SLC44A5: variants seen among roughly 807,000 people sequenced by gnomAD.
The protein encoded by SLC44A5 is solute carrier family 44 member 5.
SLC44A5 carries 57 observed loss-of-function variants against 101.8 expected under a neutral mutation model. That is an observed-to-expected ratio of 0.56 (90% CI 0.45 to 0.70). SLC44A5 has a LOEUF of 0.70. Among genes scored for constraint, SLC44A5 ranks in the 30% least tolerant of loss-of-function variants. SLC44A5 has a pLI of 0.00. For missense variants in SLC44A5, 737 were observed against 853.1 expected (o/e 0.86, Z 1.70); for synonymous variants, 281 against 290.9 (o/e 0.97, Z 0.35).
At chr1:75,539,782 G>A (rs1438504852) in intron 2 of SLC44A5, among the ~76,000 whole-genome samples, 1 of 152,108 alleles carries the variant, frequency 6.6e-6, no homozygotes, top group Non-Finnish European at 1.5e-5. Context: ...TTAATTAGTG[G>A]AAATGTTTAA....
intron 2 of SLC44A5, among the ~76,000 whole-genome samples, chr1:75,488,437 C>T (rs868167453): frequency 2.0e-4 from 31 of 152,250 alleles, no homozygotes; most frequent in Admixed American, 6.5e-4. Flanking sequence ...GTAAAAACAA[C>T]GTAGTATAAT....
intron 3 of SLC44A5, among the ~76,000 whole-genome samples, chr1:75,348,150 C>A (rs917496205): frequency 6.6e-5 from 10 of 151,400 alleles, no homozygotes; most frequent in Admixed American, 5.3e-4. Flanking sequence ...TCTCTCTCTC[C>A]TCTCTCTCTC....
intron 4 of SLC44A5, among the ~76,000 whole-genome samples, chr1:75,305,877 G>A (rs1654860486): frequency 1.3e-5 from 2 of 152,090 alleles, no homozygotes; most frequent in Admixed American, 6.5e-5. Flanking sequence ...TCTAATCCCC[G>A]TAGACCTAGG....
chr1:75,601,363 T>C (rs1003962767), intron 1 of SLC44A5, among the ~76,000 whole-genome samples: 1 of 15,286 alleles, frequency 6.5e-5, no homozygotes, highest in East Asian at 1.7e-3. Context: ...CATCAAACAC[T>C]GGGGCTTGTC....
intron 3 of SLC44A5, among the ~76,000 whole-genome samples, chr1:75,393,197 T>G (rs1201221419): frequency 6.6e-6 from 1 of 152,166 alleles, no homozygotes; most frequent in Non-Finnish European, 1.5e-5. Flanking sequence ...TAGAAAAATA[T>G]CTAAACACTG....
chr1:75,343,025 G>A (rs1338910525), intron 3 of SLC44A5, among the ~76,000 whole-genome samples: 2 of 151,998 alleles, frequency 1.3e-5, no homozygotes, highest in Admixed American at 6.6e-5. Flanking sequence ...TTTTATAGGG[G>A]CCCTCACGTA....
chr1:75,450,655 C>T (rs1313601513), intron 2 of SLC44A5, among the ~76,000 whole-genome samples: 1 of 152,150 alleles, frequency 6.6e-6, no homozygotes, highest in Admixed American at 6.5e-5. Flanking sequence ...AGACATGAAA[C>T]GGGTCTATGT....
chr1:75,278,676 G>C (rs1412444322), intron 5 of SLC44A5, among the ~76,000 whole-genome samples: 1 of 152,140 alleles, frequency 6.6e-6, no homozygotes, highest in Non-Finnish European at 1.5e-5. Flanking sequence ...GATGTGAGTA[G>C]TCAAGTGCTT....
intron 2 of SLC44A5, among the ~76,000 whole-genome samples, chr1:75,418,947 G>A (rs1012297976): frequency 7.9e-5 from 12 of 152,118 alleles, no homozygotes; most frequent in African/African-American, 2.9e-4. Context: ...CTAAGGGAAG[G>A]GGAGCAAGCT....
chr1:75,723,391 A>G, the SLC44A5 span, among the ~76,000 whole-genome samples: 2 of 145,006 alleles, frequency 1.4e-5, no homozygotes, highest in South Asian at 5.1e-4. Flanking sequence ...CAGCCTGTGA[A>G]GTCGAGCTGC....
chr1:75,321,053 G>C (rs145818901), intron 4 of SLC44A5, among the ~76,000 whole-genome samples: 1 of 152,122 alleles, frequency 6.6e-6, no homozygotes, highest in African/African-American at 2.4e-5. Flanking sequence ...TTACACTTTA[G>C]TATCATAATA....
At chr1:75,207,500 T>C (rs1413425263) in intron 23 of SLC44A5, among the ~76,000 whole-genome samples, 1 of 152,146 alleles carries the variant, frequency 6.6e-6, no homozygotes. Context: ...TACATTTGCA[T>C]GAAATTAAGC....
At chr1:75,576,397 C>T (rs1475775651) in intron 1 of SLC44A5, among the ~76,000 whole-genome samples, 1 of 151,952 alleles carries the variant, frequency 6.6e-6, no homozygotes, top group Non-Finnish European at 1.5e-5. Context: ...TCACTGCAAG[C>T]TCCACCTCCC....
At chr1:75,352,391 TC>T (rs60108024) in intron 3 of SLC44A5, among the ~76,000 whole-genome samples, 3 of 151,658 alleles carry the variant, frequency 2.0e-5, no homozygotes, top group Non-Finnish European at 4.4e-5. Context: ...TGTGTGTTGT[TC>T]CCCCCGATGT....
At chr1:75,245,425 G>T (rs1233187367) in intron 7 of SLC44A5, among the ~76,000 whole-genome samples, 3 of 152,124 alleles carry the variant, frequency 2.0e-5, no homozygotes, top group Non-Finnish European at 4.4e-5. Flanking sequence ...TCTGATTGGA[G>T]CCAAGCTGAA....
intron 4 of SLC44A5, among the ~76,000 whole-genome samples, chr1:75,319,126 T>C (rs1655944043): frequency 6.6e-6 from 1 of 152,172 alleles, no homozygotes; most frequent in Non-Finnish European, 1.5e-5. Context: ...CAGTACATTA[T>C]GTTGATTTTT....
upstream of SLC44A5, among the ~76,000 whole-genome samples, chr1:75,614,304 G>A (rs1264886329): frequency 1.3e-5 from 2 of 152,064 alleles, no homozygotes; most frequent in Admixed American, 6.5e-5. Context: ...ATGGAGGGGG[G>A]GAATCAGAGG....
chr1:75,596,202 GCACA>G (rs76901767), intron 1 of SLC44A5, among the ~76,000 whole-genome samples: 1 of 140,960 alleles, frequency 7.1e-6, no homozygotes, highest in Non-Finnish European at 1.6e-5. Flanking sequence ...GTAGACACAT[GCACA>G]CACACACACA....
rs748647354 is a variant in SLC44A5 at position 75,311,663 on chromosome 1, C to T, written c.102-10978G>A. 238 of 580,828 alleles carry T rather than the reference C, an allele frequency of 4.1e-4. 3 individuals are homozygous for T. The highest frequency in any genetic ancestry group is 4.8e-4 in the Non-Finnish European group (221 of 460,574). 36.0% of individuals were successfully genotyped at this position (580,828 alleles called of 1,614,324 possible). On this transcript the variant is annotated intron_variant, in intron 4 of 23. Transcript: ENST00000370859. ...CAGATGCTATGAAACGTTGGTGAAC[C>T]ACACAGATGAGATGCTTTCTCTCAC...
Sources: gnomAD v4.1 joint callset for allele counts (sites outside exome capture counted in the v4.1 genomes callset) on GRCh38, gnomAD v4.1.1 for gene constraint, MANE v1.5 for transcripts, NCBI Gene and HGNC (gene_info 2026-07-23, HGNC 2026-07-21) for gene names.